The following CA10 variants were observed in gnomAD, a reference collection of about 807,000 sequenced individuals.
CA10 encodes carbonic anhydrase 10 (inactive), also known as carbonic anhydrase-related protein 10.
Under a neutral mutation model 44.2 loss-of-function variants are expected in CA10, and 14 were observed. The observed-to-expected ratio is 0.32, with a 90% CI of 0.21 to 0.50. CA10 has a LOEUF of 0.50. Among genes scored for constraint, CA10 ranks in the 20% least tolerant of loss-of-function variants. The pLI is 0.99. For missense variants in CA10, 350 were observed against 409.7 expected (o/e 0.85, Z 1.26); for synonymous variants, 159 against 141.6 (o/e 1.12, Z -0.87).
chr17:51,914,591 G>A (rs953608817), intron 3 of CA10, among the ~76,000 whole-genome samples: 8 of 152,104 alleles, frequency 5.3e-5, no homozygotes, highest in African/African-American at 1.9e-4. Context: ...GCAATTAATA[G>A]GCTGAAATAT....
At chr17:51,775,042 C>T (rs1905766043) in intron 3 of CA10, among the ~76,000 whole-genome samples, 3 of 152,148 alleles carry the variant, frequency 2.0e-5, no homozygotes, top group African/African-American at 2.4e-5. Context: ...CCTCCTGACT[C>T]ATGACAAGGG....
At chr17:51,684,307 G>A (rs1914938958) in intron 4 of CA10, among the ~76,000 whole-genome samples, 1 of 152,188 alleles carries the variant, frequency 6.6e-6, no homozygotes, top group Non-Finnish European at 1.5e-5. Context: ...AACCCACTTT[G>A]GGCTTCTGAC....
Position 51,631,464 on chromosome 17 carries a change from C to A in CA10, c.*120G>T. The A allele has an allele frequency of 2.0e-6, 2 of 977,742 alleles. No individual in the cohort carries two copies. Among genetic ancestry groups the A allele is most frequent in the Non-Finnish European group, 3.3e-6 (2 of 613,144 alleles). 60.6% of individuals were successfully genotyped at this position (977,742 alleles called of 1,614,324 possible). A position where few individuals can be genotyped will look rare whatever the true frequency, so the allele number is the denominator to read the frequency against. ...CTTTTCATGAAGAAAGGGCCAATCCCAAGAATGAATGAGGCTTGGGGGAAA... is the reference window on the plus strand; with the variant it reads ...CTTTTCATGAAGAAAGGGCCAATCCAAAGAATGAATGAGGCTTGGGGGAAA... On this transcript the variant is annotated 3_prime_UTR_variant, in exon 9 of 9. Transcript: ENST00000451037.
At chr17:51,831,667 A>ACAGCAGC (rs1413563405) in intron 3 of CA10, among the ~76,000 whole-genome samples, 26 of 127,410 alleles carry the variant, frequency 2.0e-4, no homozygotes, top group Non-Finnish European at 3.1e-4. Context: ...AGAAAAGAAA[A>ACAGCAGC]AGCAGCAGCA....
At chr17:52,148,016 T>C (rs1052785460) in intron 1 of CA10, among the ~76,000 whole-genome samples, 7 of 152,224 alleles carry the variant, frequency 4.6e-5, no homozygotes, top group African/African-American at 1.7e-4. Flanking sequence ...GTTCTTTCAA[T>C]TCCTAGGCTG....
intron 3 of CA10, among the ~76,000 whole-genome samples, chr17:51,802,583 A>C (rs1420014288): frequency 1.3e-5 from 2 of 151,624 alleles, no homozygotes; most frequent in Non-Finnish European, 2.9e-5. Context: ...AAAAAAAAAA[A>C]AAAAACAACC....
intron 1 of CA10, among the ~76,000 whole-genome samples, chr17:52,145,851 G>T (rs1470199433): frequency 6.6e-6 from 1 of 152,024 alleles, no homozygotes; most frequent in African/African-American, 2.4e-5. Flanking sequence ...AAAATGGTAA[G>T]GAACTTCATA....
At chr17:51,909,515 A>T (rs533829350) in intron 3 of CA10, among the ~76,000 whole-genome samples, 1 of 152,288 alleles carries the variant, frequency 6.6e-6, no homozygotes, top group African/African-American at 2.4e-5. Context: ...CTAAAGAAAC[A>T]TGGCAAGTAT....
rs60420801 is a variant in CA10, at chr17:51,899,478, GTTGAT to G, written c.279+31507_279+31511del. Among the ~76,000 whole-genome samples, 1,046 of 152,058 alleles carry G rather than the reference GTTGAT, an allele frequency of 6.9e-3. 14 individuals carry two copies. Among genetic ancestry groups the G allele is most frequent in the African/African-American group, 0.023 (970 of 41,466 alleles). On this transcript the variant is annotated intron_variant, in intron 3 of 8. Coordinates refer to ENST00000451037, the MANE Select transcript of CA10 (RefSeq NM_020178.5). Reference sequence around the variant, plus strand: ...ATGATATTTTAATGTCAATTTTGTGGTTGATTTTAGAGTGCCATGTGTAGATGAGA... The same window carrying G: ...ATGATATTTTAATGTCAATTTTGTGGTTTAGAGTGCCATGTGTAGATGAGA...
At chr17:51,938,836 T>G (rs1387123655) in intron 2 of CA10, among the ~76,000 whole-genome samples, 2 of 152,130 alleles carry the variant, frequency 1.3e-5, no homozygotes, top group Non-Finnish European at 2.9e-5. Flanking sequence ...ATTATTATTT[T>G]ACAGGTGAGG....
At chr17:51,822,159 C>T (rs1478679416) in intron 3 of CA10, among the ~76,000 whole-genome samples, 1 of 152,084 alleles carries the variant, frequency 6.6e-6, no homozygotes, top group African/African-American at 2.4e-5. Context: ...TGTGGTGGCT[C>T]ACACCTGTAA....
At chr17:51,876,397 G>C (rs1439368280) in intron 3 of CA10, among the ~76,000 whole-genome samples, 2 of 145,906 alleles carry the variant, frequency 1.4e-5, no homozygotes, top group Admixed American at 6.9e-5. Flanking sequence ...TGCCCAGGCT[G>C]GTCTCAAACT....
intron 3 of CA10, among the ~76,000 whole-genome samples, chr17:51,796,324 C>T (rs1457312240): frequency 6.6e-6 from 1 of 152,096 alleles, no homozygotes; most frequent in Non-Finnish European, 1.5e-5. Flanking sequence ...CCTGCCCTAT[C>T]ATAGACCCAG....
At position 51,918,713 on chromosome 17, in the gene CA10, C is replaced by T. The variant is rs149843069; in HGVS notation, c.279+12277G>A. 2.9e-3 allele frequency among the ~76,000 whole-genome samples: 442 copies of T among 152,224 alleles called. 1 individual carries two copies. The Middle Eastern group carries it at 0.041, about 14-fold the overall frequency. On this transcript the variant is annotated intron_variant, in intron 3 of 8. Transcript: ENST00000451037. The stretch of plus-strand genomic sequence containing the variant: ...GATAACATTAACAAAATAAAACTCT[C>T]GCCTTACTGAATAGACACTGGGTTT...
intron 4 of CA10, among the ~76,000 whole-genome samples, chr17:51,657,768 A>C (rs1913847343): frequency 6.6e-6 from 1 of 152,220 alleles, no homozygotes; most frequent in Non-Finnish European, 1.5e-5. Flanking sequence ...GAAACAGATG[A>C]TCAATAAGTG....
chr17:51,802,047 G>C (rs1388390531), intron 3 of CA10, among the ~76,000 whole-genome samples: 1 of 152,110 alleles, frequency 6.6e-6, no homozygotes, highest in African/African-American at 2.4e-5. Context: ...TCTTCATCTG[G>C]GTTCCAAGTG....
intron 4 of CA10, among the ~76,000 whole-genome samples, chr17:51,723,911 C>T (rs1044287895): frequency 6.6e-6 from 1 of 152,148 alleles, no homozygotes; most frequent in Non-Finnish European, 1.5e-5. Flanking sequence ...TACTGGGTGC[C>T]CATGGGGTAC....
chr17:51,859,234 A>G (rs1387174756), intron 3 of CA10, among the ~76,000 whole-genome samples: 1 of 152,078 alleles, frequency 6.6e-6, no homozygotes, highest in Non-Finnish European at 1.5e-5. Flanking sequence ...TGTTGTAATC[A>G]CTTTCTTAAG....
At chr17:52,080,732 C>T (rs932011293) in intron 1 of CA10, among the ~76,000 whole-genome samples, 4 of 152,090 alleles carry the variant, frequency 2.6e-5, no homozygotes, top group Middle Eastern at 3.4e-3. Context: ...TTTTTCCCCC[C>T]GAAATTCCTT....
Sources: allele counts gnomAD v4.1 joint callset (sites outside exome capture counted in the v4.1 genomes callset), GRCh38; gene constraint gnomAD v4.1.1; transcripts MANE v1.5; gene names NCBI Gene and HGNC (gene_info 2026-07-23, HGNC 2026-07-21).